The following TFEC variants were observed in gnomAD, a reference collection of about 807,000 sequenced individuals.
TFEC encodes class E basic helix-loop-helix protein 34.
TFEC carries 31 observed loss-of-function variants against 41.6 expected under a neutral mutation model. The ratio of observed to expected loss-of-function variants is 0.74; its 90% CI spans 0.56 to 1.01. The LOEUF is 1.01. Ranked by LOEUF, TFEC falls within the 50% of genes least tolerant of loss-of-function variation. TFEC has a pLI of 0.00. For synonymous variants in TFEC, 143 were observed against 140.6 expected (o/e 1.02, Z -0.12); for missense variants, 402 against 404.1 (o/e 0.99, Z 0.04).
intron 1 of TFEC, among the ~76,000 whole-genome samples, chr7:115,997,323 A>T (rs545819722): frequency 1.2e-4 from 19 of 152,312 alleles, no homozygotes; most frequent in African/African-American, 3.8e-4. Flanking sequence ...TCTGGATCTT[A>T]TCTAAGACCG....
At chr7:115,955,620 C>G (rs1792182478) in intron 4 of TFEC, among the ~76,000 whole-genome samples, 2 of 152,036 alleles carry the variant, frequency 1.3e-5, no homozygotes, top group South Asian at 2.1e-4. Context: ...TAGGCCACTC[C>G]TGGATTCTTG....
chr7:116,113,356 G>T (rs1356351991), intron 1 of TFEC, among the ~76,000 whole-genome samples: 1 of 151,956 alleles, frequency 6.6e-6, no homozygotes, highest in Non-Finnish European at 1.5e-5. Context: ...AGAAAGAAAA[G>T]AATCCCAAGT....
chr7:115,967,859 G>A (rs545947981), intron 3 of TFEC, among the ~76,000 whole-genome samples: 21 of 151,790 alleles, frequency 1.4e-4, no homozygotes, highest in South Asian at 4.1e-4. Context: ...GACCTATTTA[G>A]TAATAAATAA....
intron 3 of TFEC, among the ~76,000 whole-genome samples, chr7:116,062,920 T>C (rs1312534480): frequency 6.6e-6 from 1 of 152,148 alleles, no homozygotes; most frequent in Non-Finnish European, 1.5e-5. Context: ...ATCCACCATA[T>C]GACCCAGCCA....
chr7:116,060,157 T>C (rs1796519073), intron 3 of TFEC, among the ~76,000 whole-genome samples: 1 of 151,686 alleles, frequency 6.6e-6, no homozygotes, highest in Non-Finnish European at 1.5e-5. Flanking sequence ...GAATGACAGT[T>C]TTATACACTA....
intron 1 of TFEC, among the ~76,000 whole-genome samples, chr7:115,989,848 G>A (rs1185899655): frequency 1.3e-5 from 2 of 152,176 alleles, no homozygotes; most frequent in African/African-American, 2.4e-5. Context: ...AGACTTAAAC[G>A]TCACTGTCTG....
intron 6 of TFEC, among the ~76,000 whole-genome samples, chr7:115,946,712 T>C (rs948853875): frequency 6.7e-6 from 1 of 149,856 alleles, no homozygotes; most frequent in Non-Finnish European, 1.5e-5. Context: ...TCTTTTCTTT[T>C]CCTTTCTTTT....
intron 1 of TFEC, among the ~76,000 whole-genome samples, chr7:116,002,033 T>C (rs1239302719): frequency 6.6e-6 from 1 of 152,222 alleles, no homozygotes; most frequent in African/African-American, 2.4e-5. Context: ...TAACAAATGC[T>C]GGTGAGAATG....
intron 3 of TFEC, among the ~76,000 whole-genome samples, chr7:115,972,490 T>C (rs1229228061): frequency 6.6e-6 from 1 of 152,114 alleles, no homozygotes; most frequent in African/African-American, 2.4e-5. Context: ...TACAACTCAT[T>C]GTGCTACCCC....
chr7:116,054,623 C>A (rs1796386337), intron 3 of TFEC, among the ~76,000 whole-genome samples: 1 of 151,980 alleles, frequency 6.6e-6, no homozygotes, highest in Non-Finnish European at 1.5e-5. Context: ...ATACAGGATG[C>A]CCAGATACAT....
At chr7:116,054,864 T>A (rs745434408) in intron 3 of TFEC, among the ~76,000 whole-genome samples, 27 of 152,152 alleles carry the variant, frequency 1.8e-4, no homozygotes, top group Non-Finnish European at 3.8e-4. Context: ...TTACCACTAG[T>A]ATTAATTTAA....
At position 116,014,598 on chromosome 7, in the gene TFEC, C is replaced by A. The variant is rs1041526716; in HGVS notation, c.-73+16035G>T. The stretch of plus-strand genomic sequence containing the variant: ...TTTTTTCCAGTTACTTGCAATTTCT[C>A]TGTAGCAGGCAAAATAATACCTCCC... On this transcript the variant is annotated intron_variant, in intron 1 of 7. Coordinates refer to ENST00000265440, the MANE Select transcript of TFEC (RefSeq NM_012252.4). Among the ~76,000 whole-genome samples, 13 of 152,030 alleles carry A rather than the reference C, an allele frequency of 8.6e-5. 1 individual carries two copies. The highest frequency in any genetic ancestry group is 3.1e-4 in the African/African-American group (13 of 41,398).
chr7:116,137,527 C>G (rs1246713337), intron 1 of TFEC, among the ~76,000 whole-genome samples: 1 of 152,128 alleles, frequency 6.6e-6, no homozygotes, highest in Non-Finnish European at 1.5e-5. Flanking sequence ...TGAGTCTTAA[C>G]TTTCCAACTA....
rs1793189354 is a variant in TFEC, at chr7:115,935,578, A to G, written c.*4973T>C. 6.6e-6 allele frequency: 1 copy of G among 151,710 alleles called. No homozygotes were observed. Among genetic ancestry groups the G allele is most frequent in the Non-Finnish European group, 1.5e-5 (1 of 67,648 alleles). The allele number at this position is 151,710 out of a possible 1,614,324, so 9.4% of individuals were successfully genotyped here. On this transcript the variant is annotated 3_prime_UTR_variant, in exon 8 of 8. Coordinates refer to ENST00000265440, the MANE Select transcript of TFEC (RefSeq NM_012252.4). ...TATCATATTTAAAGAACAATATGTA[A>G]CTTCTTGATTATATATAATTCTTTC...
chr7:115,949,589 A>G (rs1171599390), intron 6 of TFEC, among the ~76,000 whole-genome samples: 2 of 152,132 alleles, frequency 1.3e-5, no homozygotes, highest in Non-Finnish European at 2.9e-5. Flanking sequence ...GAGAAAAACA[A>G]GCAATGGGGA....
intron 3 of TFEC, among the ~76,000 whole-genome samples, chr7:115,957,004 A>G (rs1451652843): frequency 2.0e-5 from 3 of 152,000 alleles, no homozygotes; most frequent in Admixed American, 6.6e-5. Flanking sequence ...CGCTGAAAAA[A>G]AGTTATATGT....
At chr7:116,052,924 T>C (rs1226399274) in intron 3 of TFEC, among the ~76,000 whole-genome samples, 2 of 151,622 alleles carry the variant, frequency 1.3e-5, no homozygotes, top group Admixed American at 1.3e-4. Flanking sequence ...ACAAAAAAAT[T>C]AGCTGGGCTT....
rs201123863 is a variant in TFEC, at chr7:115,992,971, C to A, written c.-72-8458G>T. Reference sequence around the variant, plus strand: ...AAATCCTCAGTAAAATACTGGCAAACCGAATCCAGCAGCACATTAAAAAGC... The same window carrying A: ...AAATCCTCAGTAAAATACTGGCAAAACGAATCCAGCAGCACATTAAAAAGC... On this transcript the variant is annotated intron_variant, in intron 1 of 7. Transcript: ENST00000265440. Among the ~76,000 whole-genome samples, 50 of 152,270 alleles carry A rather than the reference C, an allele frequency of 3.3e-4. 2 individuals are homozygous for A. The East Asian group carries it at 6.6e-3, about 20-fold the overall frequency.
rs753156883 is a variant in TFEC, at chr7:116,022,077, C to T, written c.-73+8556G>A. Among the ~76,000 whole-genome samples the T allele has an allele frequency of 3.3e-5, 5 of 152,186 alleles. No individual in the cohort carries two copies. In the East Asian group the frequency reaches 5.8e-4, roughly 18 times the overall value. On this transcript the variant is annotated intron_variant, in intron 1 of 7. Coordinates refer to ENST00000265440, the MANE Select transcript of TFEC (RefSeq NM_012252.4). ...GAGAAAAGCACTGTGGAAGTACCCG[C>T]GTGCCCACCTCTTGACATGTCCTGG...
Sources: gnomAD v4.1 joint callset for allele counts (sites outside exome capture counted in the v4.1 genomes callset) on GRCh38, gnomAD v4.1.1 for gene constraint, MANE v1.5 for transcripts, NCBI Gene and HGNC (gene_info 2026-07-23, HGNC 2026-07-21) for gene names.